Variants in TTC1 observed in about 807,000 individuals in gnomAD.
The protein encoded by TTC1 is tetratricopeptide repeat domain 1.
Under a neutral mutation model 37.6 loss-of-function variants are expected in TTC1, and 31 were observed. That is an observed-to-expected ratio of 0.82 (90% CI 0.62 to 1.11). The LOEUF (loss-of-function observed/expected upper bound fraction) is 1.11. Ranked by LOEUF, TTC1 falls within the 50% of genes most tolerant of loss-of-function variation. The pLI is 0.00. For synonymous variants in TTC1, 127 were observed against 122.4 expected (o/e 1.04, Z -0.25); for missense variants, 351 against 339.0 (o/e 1.04, Z -0.28).
intron 4 of TTC1, among the ~76,000 whole-genome samples, chr5:160,040,727 C>T (rs1166583793): frequency 2.0e-5 from 3 of 151,878 alleles, no homozygotes; most frequent in African/African-American, 7.3e-5. Context: ...GCTGGGACTA[C>T]AGACCTGCAC....
chr5:160,028,726 G>C (rs1486675697), intron 2 of TTC1, among the ~76,000 whole-genome samples: 1 of 151,990 alleles, frequency 6.6e-6, no homozygotes, highest in African/African-American at 2.4e-5. Context: ...CGCCCACCTC[G>C]ACCTCCCAAA....
At chr5:160,036,516 A>C (rs903111123) in intron 3 of TTC1, 175 bp from the exon 4 acceptor site, 4 of 544,572 alleles carry the variant, frequency 7.3e-6, no homozygotes, top group Non-Finnish European at 1.3e-5. Flanking sequence ...GTTCCTTTAA[A>C]GAGAGAAGAA....
chr5:160,044,655 G>A (rs549211745), intron 5 of TTC1, among the ~76,000 whole-genome samples: 16 of 152,188 alleles, frequency 1.1e-4, no homozygotes, highest in South Asian at 1.0e-3. Context: ...CACTTCCATC[G>A]CCATCTTGGC....
At chr5:160,010,445 A>G (rs1440458579) in intron 1 of TTC1, 55 bp from the exon 2 acceptor site, 4 of 1,243,892 alleles carry the variant, frequency 3.2e-6, no homozygotes, top group Non-Finnish European at 4.5e-6. Flanking sequence ...TTTGAAACAG[A>G]ACTTTTAAAA....
intron 2 of TTC1, among the ~76,000 whole-genome samples, chr5:160,019,825 C>T (rs933256211): frequency 4.7e-5 from 7 of 148,026 alleles, no homozygotes; most frequent in African/African-American, 1.5e-4. Flanking sequence ...CATGATCCAC[C>T]CACCTCGGCC....
chr5:160,024,189 G>T (rs1388590560), intron 2 of TTC1: 1 of 497,306 alleles, frequency 2.0e-6, no homozygotes, highest in Non-Finnish European at 3.6e-6. Flanking sequence ...GGGGTTTAAT[G>T]TCCTTACTGG....
intron 2 of TTC1, among the ~76,000 whole-genome samples, chr5:160,011,572 AGTATAAT>A (rs1756502847): frequency 6.6e-6 from 1 of 152,266 alleles, no homozygotes; most frequent in South Asian, 2.1e-4. Context: ...CCAAAGCTAG[AGTATAAT>A]GTATAATGTA....
chr5:160,023,849 C>G, intron 2 of TTC1: 1 of 1,613,126 alleles, frequency 6.2e-7, no homozygotes, highest in Admixed American at 1.7e-5. Context: ...AGATGACTTC[C>G]AATTCTTTTT....
At chr5:160,054,401 C>T (rs1757487156) in intron 7 of TTC1, among the ~76,000 whole-genome samples, 1 of 152,126 alleles carries the variant, frequency 6.6e-6, no homozygotes, top group African/African-American at 2.4e-5. Flanking sequence ...ATTGCTTGAG[C>T]CCAGCAGTTC....
At chr5:160,022,210 T>C (rs551655892) in intron 2 of TTC1, among the ~76,000 whole-genome samples, 1 of 152,314 alleles carries the variant, frequency 6.6e-6, no homozygotes, top group South Asian at 2.1e-4. Flanking sequence ...TATACACTTA[T>C]AAGCTCAAAG....
chr5:160,012,382 T>A (rs576624503), intron 2 of TTC1, among the ~76,000 whole-genome samples: 54 of 151,846 alleles, frequency 3.6e-4, no homozygotes, highest in Middle Eastern at 3.4e-3. Context: ...TTTTTTTTTT[T>A]AAGACAGGAT....
At chr5:160,028,269 A>G (rs905794528) in intron 2 of TTC1, among the ~76,000 whole-genome samples, 1 of 149,874 alleles carries the variant, frequency 6.7e-6, no homozygotes, top group African/African-American at 2.5e-5. Flanking sequence ...ACTGCACTCC[A>G]GCATAGGCGA....
intron 2 of TTC1, among the ~76,000 whole-genome samples, chr5:160,031,604 ACT>A (rs1581100259): frequency 6.6e-6 from 1 of 152,020 alleles, no homozygotes; most frequent in East Asian, 1.9e-4. Flanking sequence ...ATGGAGTGAG[ACT>A]CTGTCTCAAA....
intron 2 of TTC1, among the ~76,000 whole-genome samples, chr5:160,031,183 A>T (rs72810131): frequency 2.0e-3 from 301 of 152,310 alleles, no homozygotes; most frequent in Admixed American, 3.9e-3. Context: ...GTTTCCAAGG[A>T]GATGTTCAGC....
intron 2 of TTC1, among the ~76,000 whole-genome samples, chr5:160,032,043 C>T (rs552000323): frequency 6.6e-6 from 1 of 152,260 alleles, no homozygotes; most frequent in East Asian, 1.9e-4. Context: ...CTGCTCAGGC[C>T]GGCCCGTAGC....
chr5:160,035,953 T>G (rs4921250), intron 3 of TTC1, among the ~76,000 whole-genome samples: 14,418 of 124,898 alleles, frequency 0.12, 798 homozygotes, highest in Admixed American at 0.2. Flanking sequence ...GATTTTAGGG[T>G]TTTTTTTTTT....
chr5:160,034,188 T>C (rs1288300756), intron 2 of TTC1, among the ~76,000 whole-genome samples: 4 of 151,668 alleles, frequency 2.6e-5, no homozygotes, highest in Non-Finnish European at 1.5e-5. Flanking sequence ...GGTTTTTTTG[T>C]TGTTTTTGTT....
At chr5:160,017,511 A>G (rs1756628487) in intron 2 of TTC1, among the ~76,000 whole-genome samples, 1 of 152,208 alleles carries the variant, frequency 6.6e-6, no homozygotes, top group African/African-American at 2.4e-5. Context: ...ATACCAACAC[A>G]ATGGGGATTA....
At chr5:160,059,382 T>A (rs1478091209) in intron 7 of TTC1, among the ~76,000 whole-genome samples, 1 of 152,246 alleles carries the variant, frequency 6.6e-6, no homozygotes, top group Non-Finnish European at 1.5e-5. Context: ...TGAAGAAAGT[T>A]AGGGCCTTGC....
Sources: allele counts gnomAD v4.1 joint callset (sites outside exome capture counted in the v4.1 genomes callset), GRCh38; gene constraint gnomAD v4.1.1; transcripts MANE v1.5; gene names NCBI Gene and HGNC (gene_info 2026-07-23, HGNC 2026-07-21).